Variants in ZMAT3 observed in about 807,000 individuals in gnomAD.
The protein encoded by ZMAT3 is zinc finger matrin-type 3.
In ZMAT3, 17 loss-of-function variants were observed where a neutral mutation model predicts 32.3. The observed-to-expected ratio is 0.53, with a 90% CI of 0.36 to 0.79. The LOEUF (loss-of-function observed/expected upper bound fraction) is 0.79. Ranked by LOEUF, ZMAT3 falls within the 30% of genes least tolerant of loss-of-function variation. The pLI, the probability that ZMAT3 is intolerant of heterozygous loss-of-function variation, is 0.00. For synonymous variants in ZMAT3, 120 were observed against 133.1 expected, an observed-to-expected ratio of 0.90 and a Z score of 0.68; for missense variants, 329 against 359.7, an observed-to-expected ratio of 0.91 and a Z score of 0.69.
intron 1 of ZMAT3, among the ~76,000 whole-genome samples, chr3:179,068,890 A>G (rs931011889): frequency 1.3e-5 from 2 of 152,208 alleles, no homozygotes; most frequent in Non-Finnish European, 1.5e-5. Context: ...ATGATCTGGC[A>G]TCACTTGGCC....
Position 179,067,732 on chromosome 3 carries a change from G to T in ZMAT3, c.21C>A (p.Ala7=), listed in dbSNP as rs200945907. The change falls in exon 2 of 6, where the codon GCC becomes GCA. Residue 7 remains alanine, a synonymous_variant. Coordinates refer to ENST00000311417, the MANE Select transcript of ZMAT3 (RefSeq NM_022470.4). ...AGGGCTGCTTAGGTGGAGGAAGCACGGCGTGTTGCAAGAGGATCATTGGGT... is the reference window on the plus strand; with the variant it reads ...AGGGCTGCTTAGGTGGAGGAAGCACTGCGTGTTGCAAGAGGATCATTGGGT... The part of the protein sequence containing the change: MILLQH[A]VLPPPKQPSP... The T allele has an allele frequency of 2.5e-6, 4 of 1,614,104 alleles. No homozygotes were observed. Among genetic ancestry groups the T allele is most frequent in the Admixed American group, 1.7e-5 (1 of 60,010 alleles).
intron 2 of ZMAT3, among the ~76,000 whole-genome samples, chr3:179,053,810 G>C (rs1306097178): frequency 6.6e-6 from 1 of 152,102 alleles, no homozygotes; most frequent in Non-Finnish European, 1.5e-5. Context: ...ATGGCAAGAT[G>C]ATAAAAAGCA....
chr3:179,070,889 T>C (rs1721673343), intron 1 of ZMAT3, among the ~76,000 whole-genome samples: 1 of 152,156 alleles, frequency 6.6e-6, no homozygotes, highest in African/African-American at 2.4e-5. Context: ...TCACATACTG[T>C]GTTAAAGACA....
rs754444468 is a variant in ZMAT3, at chr3:179,067,731, C to CG, written c.21dup (p.Val8ArgfsTer6). ...GAGGGCTGCTTAGGTGGAGGAAGCA[C>CG]GGCGTGTTGCAAGAGGATCATTGGG... On this transcript the variant is annotated frameshift_variant, in exon 2 of 6. Coordinates refer to ENST00000311417, the MANE Select transcript of ZMAT3 (RefSeq NM_022470.4). LOFTEE classifies it high-confidence loss of function. The CG allele has an allele frequency of 3.1e-6, 5 of 1,613,904 alleles. No individual in the cohort carries two copies. In the South Asian group the frequency reaches 3.3e-5, roughly 11 times the overall value.
At chr3:179,027,070 G>A (rs1383096201) in intron 5 of ZMAT3, among the ~76,000 whole-genome samples, 1 of 152,098 alleles carries the variant, frequency 6.6e-6, no homozygotes, top group African/African-American at 2.4e-5. Context: ...AAAAAACACT[G>A]CTTTAGAATC....
At chr3:179,062,807 C>T (rs1358244214) in intron 2 of ZMAT3, among the ~76,000 whole-genome samples, 3 of 152,088 alleles carry the variant, frequency 2.0e-5, no homozygotes, top group Admixed American at 6.6e-5. Context: ...AAGACTATCT[C>T]GGGAGAACAA....
intron 1 of ZMAT3, among the ~76,000 whole-genome samples, chr3:179,069,999 A>G (rs1439188160): frequency 3.3e-5 from 5 of 152,218 alleles, no homozygotes; most frequent in African/African-American, 4.8e-5. Context: ...GGAACTAAGT[A>G]GACAAAGAAC....
Position 179,017,783 on chromosome 3 carries a change from A to T in ZMAT3, c.*7234T>A, listed in dbSNP as rs1392109470. 6.6e-6 allele frequency: 1 copy of T among 152,196 alleles called. No individual in the cohort carries two copies. The highest frequency in any genetic ancestry group is 1.5e-5 in the Non-Finnish European group (1 of 68,024). The allele number at this position is 152,196 out of a possible 1,614,324, so 9.4% of individuals were successfully genotyped here. ...ATTAAAATGCAACCTTAATGGTGAA[A>T]GCAAAATCGGTTTTGCTTCTGAATC... On this transcript the variant is annotated 3_prime_UTR_variant, in exon 6 of 6. Coordinates refer to ENST00000311417, the MANE Select transcript of ZMAT3 (RefSeq NM_022470.4).
Position 179,030,975 on chromosome 3 carries a change from G to A in ZMAT3, c.295C>T (p.Arg99Ter), listed in dbSNP as rs763416591. Reference protein sequence around the residue: ...YQGKNHGKKLRNYYAANSCPP... With the variant: ...YQGKNHGKKL ...CAGCTATTTGCTGCATAGTAATTTC[G>A]GAGTTTCTTACCATGATTTTTACCC... Residue 99 changes from arginine (R) to a stop codon, truncating the protein, a stop_gained, in exon 3 of 6, where the codon CGA (arginine) becomes TGA (stop). Coordinates refer to ENST00000311417, the MANE Select transcript of ZMAT3 (RefSeq NM_022470.4). LOFTEE classifies it high-confidence loss of function. The A allele has an allele frequency of 3.1e-6, 5 of 1,612,556 alleles. No individual in the cohort carries two copies. Among genetic ancestry groups the A allele is most frequent in the Non-Finnish European group, 8.5e-7 (1 of 1,179,410 alleles).
intron 5 of ZMAT3, 33 bp downstream of exon 5, chr3:179,027,390 T>C: frequency 6.3e-7 from 1 of 1,587,502 alleles, no homozygotes. Flanking sequence ...AGGTACAGAA[T>C]GTACCCAAGG....
At position 179,027,559 on chromosome 3, in the gene ZMAT3, T is replaced by A. The variant is rs1275944166; in HGVS notation, c.558-36A>T. ...GAAGTTTAAAAAAGAGTGAGTCTTC[T>A]AAACAAGAATCCCTTTCTACTCTTT... On this transcript the variant is annotated intron_variant, in intron 4 of 5. Transcript: ENST00000311417. 1.9e-6 allele frequency: 3 copies of A among 1,613,984 alleles called. No homozygotes were observed. The South Asian group carries it at 3.3e-5, about 18-fold the overall frequency.
chr3:179,034,244 A>C (rs1279972580), intron 2 of ZMAT3, among the ~76,000 whole-genome samples: 1 of 152,238 alleles, frequency 6.6e-6, no homozygotes, highest in Non-Finnish European at 1.5e-5. Flanking sequence ...AGCTAAATAG[A>C]GTAATGAACT....
intron 2 of ZMAT3, among the ~76,000 whole-genome samples, chr3:179,036,865 C>T (rs1719621458): frequency 6.6e-6 from 1 of 152,138 alleles, no homozygotes. Context: ...GTGGAGTCCA[C>T]AACGAGAGTG....
At chr3:179,044,488 CAA>C (rs1425171511) in intron 2 of ZMAT3, among the ~76,000 whole-genome samples, 1 of 151,986 alleles carries the variant, frequency 6.6e-6, no homozygotes, top group East Asian at 1.9e-4. Flanking sequence ...ACTAAAACTA[CAA>C]AAAATTAGCC....
In ZMAT3 at chr3:179,023,695, T is replaced by TATATATATATATATA; in HGVS notation, c.*1321_*1322insTATATATATATATAT. The TATATATATATATATA allele has an allele frequency of 1.8e-4, 3 of 16,498 alleles. No individual in the cohort carries two copies. In the East Asian group the frequency reaches 0.01, roughly 55 times the overall value. 1.0% of individuals were successfully genotyped at this position (16,498 alleles called of 1,614,324 possible). On this transcript the variant is annotated 3_prime_UTR_variant, in exon 6 of 6. Coordinates refer to ENST00000311417, the MANE Select transcript of ZMAT3 (RefSeq NM_022470.4). ...TTCCTAAAAACTGCTGGAAAATATA[T>TATATATATATATATA]CTATATATATATATATTTTTTTTTT...
chr3:179,050,729 T>A (rs1019484341), intron 2 of ZMAT3, among the ~76,000 whole-genome samples: 2 of 152,146 alleles, frequency 1.3e-5, no homozygotes, highest in South Asian at 4.1e-4. Flanking sequence ...AACAAAATAC[T>A]AGCTAAGCAA....
chr3:179,067,416 C>A, intron 2 of ZMAT3, 67 bp downstream of exon 2: 1 of 1,546,232 alleles, frequency 6.5e-7, no homozygotes, highest in Non-Finnish European at 8.9e-7. Context: ...GGAGAGACAA[C>A]TGCTAAATAG....
intron 2 of ZMAT3, among the ~76,000 whole-genome samples, chr3:179,042,394 T>G (rs1719989668): frequency 6.6e-6 from 1 of 152,148 alleles, no homozygotes; most frequent in Non-Finnish European, 1.5e-5. Context: ...GTCAGCTTCA[T>G]CCCTGGGATG....
chr3:179,037,090 T>C (rs2108550560), intron 2 of ZMAT3, among the ~76,000 whole-genome samples: 2 of 152,270 alleles, frequency 1.3e-5, no homozygotes, highest in East Asian at 3.9e-4. Context: ...CTCAATGAAA[T>C]TCTTCTCCAC....
Sources: allele counts gnomAD v4.1 joint callset (sites outside exome capture counted in the v4.1 genomes callset), GRCh38; gene constraint gnomAD v4.1.1; transcripts MANE v1.5; gene names NCBI Gene and HGNC (gene_info 2026-07-23, HGNC 2026-07-21).